RGP1: variants seen among roughly 807,000 people sequenced by gnomAD.
The protein encoded by RGP1 is RAB6A-GEF complex partner protein 2.
In RGP1, 28 loss-of-function variants were observed where a neutral mutation model predicts 44.5. That is an observed-to-expected ratio of 0.63 (90% CI 0.47 to 0.86). The LOEUF (loss-of-function observed/expected upper bound fraction) is 0.86. Ranked by LOEUF, RGP1 falls within the 40% of genes least tolerant of loss-of-function variation. The pLI is 0.00. For synonymous variants in RGP1, 212 were observed against 196.7 expected (o/e 1.08, Z -0.65); for missense variants, 417 against 490.7 (o/e 0.85, Z 1.42).
At chr9:35,786,068 T>C in the RGP1 span, among the ~76,000 whole-genome samples, 1 of 152,230 alleles carries the variant, frequency 6.6e-6, no homozygotes, top group Non-Finnish European at 1.5e-5. Context: ...TTGTTTCAGA[T>C]TTCTCCTCTT....
the RGP1 span, chr9:35,772,293 A>AAG: frequency 6.6e-6 from 1 of 152,246 alleles, no homozygotes; most frequent in Admixed American, 6.5e-5. Context: ...TCAGAGGAAG[A>AAG]AGAGGATCTT....
At chr9:35,779,195 TG>T in the RGP1 span, among the ~76,000 whole-genome samples, 4 of 152,170 alleles carry the variant, frequency 2.6e-5, no homozygotes, top group East Asian at 7.8e-4. Flanking sequence ...GTAGCAGAAG[TG>T]GCCCTGCAAC....
At chr9:35,775,790 G>T in the RGP1 span, among the ~76,000 whole-genome samples, 7 of 152,092 alleles carry the variant, frequency 4.6e-5, no homozygotes, top group Middle Eastern at 3.2e-3. Context: ...AAAAATTTTT[G>T]CTTTACTCTT....
At position 35,751,262 on chromosome 9, in the gene RGP1, C is replaced by T. The variant is rs768714296; in HGVS notation, c.488-4C>T. 2.5e-6 allele frequency: 4 copies of T among 1,613,922 alleles called. No homozygotes were observed. The highest frequency in any genetic ancestry group is 1.3e-5 in the African/African-American group (1 of 75,056). On this transcript the variant is annotated splice_polypyrimidine_tract_variant and splice_region_variant and intron_variant, in intron 5 of 8. Coordinates refer to ENST00000378078, the MANE Select transcript of RGP1 (RefSeq NM_001080496.3). Reference sequence around the variant, plus strand: ...CATTACCTCTCCACTCATTCTTTCTCTAGGCCTTCAGGATGTCCGGTTTCC... The same window carrying T: ...CATTACCTCTCCACTCATTCTTTCTTTAGGCCTTCAGGATGTCCGGTTTCC...
At chr9:35,759,917 C>CTTTTTTTTTTTT (rs34848500), downstream of RGP1, among the ~76,000 whole-genome samples, 1 of 132,986 alleles carries the variant, frequency 7.5e-6, no homozygotes, top group African/African-American at 2.8e-5. Flanking sequence ...TTCATTTTTC[C>CTTTTTTTTTTTT]TTTTTTTTTT....
chr9:35,762,607 C>G (rs1001030442), downstream of RGP1, among the ~76,000 whole-genome samples: 2 of 151,946 alleles, frequency 1.3e-5, no homozygotes, highest in Non-Finnish European at 2.9e-5. Flanking sequence ...TCAATTTTAC[C>G]CCCTCAAGTA....
chr9:35,789,901 A>G, the RGP1 span, among the ~76,000 whole-genome samples: 1 of 152,156 alleles, frequency 6.6e-6, no homozygotes, highest in Admixed American at 6.5e-5. Context: ...GGACACTGCG[A>G]CCTTCCTCTC....
At chr9:35,752,627 T>C in intron 8 of RGP1, 24 bp from the exon 9 acceptor site, 1 of 1,566,440 alleles carries the variant, frequency 6.4e-7, no homozygotes, top group Non-Finnish European at 8.7e-7. Context: ...CTGATGCTTC[T>C]ACCTTAATCT....
In RGP1 at chr9:35,754,208, GT is replaced by G; in HGVS notation, c.*1336del. 6.6e-7 allele frequency: 1 copy of G among 1,522,514 alleles called. No homozygotes were observed. Among genetic ancestry groups the G allele is most frequent in the East Asian group, 2.3e-5 (1 of 43,438 alleles). The allele number at this position is 1,522,514 out of a possible 1,614,324, so 94.3% of individuals were successfully genotyped here. On this transcript the variant is annotated 3_prime_UTR_variant, in exon 9 of 9. Coordinates refer to ENST00000378078, the MANE Select transcript of RGP1 (RefSeq NM_001080496.3). The stretch of plus-strand genomic sequence containing the variant: ...TCTTGACTCCTTGACTTTGCTTTGC[GT>G]TGCTCCTTGAGTCTTAGTTTCTGTC...
chr9:35,750,560 G>A (rs1827232908), intron 3 of RGP1, 98 bp from the exon 4 acceptor site: 10 of 1,389,618 alleles, frequency 7.2e-6, no homozygotes, highest in African/African-American at 4.3e-5. Flanking sequence ...CAGCAGGGAC[G>A]GAGGGCCTGG....
rs1827366636 is a variant in RGP1 at position 35,757,025 on chromosome 9, T to TGGCTGGCGCGCAGGTCCCGGAGGGGGC, written c.*4164_*4190dup. The TGGCTGGCGCGCAGGTCCCGGAGGGGGC allele has an allele frequency of 6.6e-6, 1 of 151,916 alleles. No homozygotes were observed. Among genetic ancestry groups the TGGCTGGCGCGCAGGTCCCGGAGGGGGC allele is most frequent in the Admixed American group, 6.6e-5 (1 of 15,266 alleles). The allele number at this position is 151,916 out of a possible 1,614,324, so 9.4% of individuals were successfully genotyped here. A position where few individuals can be genotyped will look rare whatever the true frequency, so the allele number is the denominator to read the frequency against. On this transcript the variant is annotated 3_prime_UTR_variant, in exon 9 of 9. Coordinates refer to ENST00000378078, the MANE Select transcript of RGP1 (RefSeq NM_001080496.3). Reference sequence around the variant, plus strand: ...GGCCCGCTGGGTCCTGGGGGCGCGGTGGCTGGCGCGCAGGTCCCGGAGGGG... The same window carrying TGGCTGGCGCGCAGGTCCCGGAGGGGGC: ...GGCCCGCTGGGTCCTGGGGGCGCGGTGGCTGGCGCGCAGGTCCCGGAGGGGGCGGCTGGCGCGCAGGTCCCGGAGGGG...
the RGP1 span, among the ~76,000 whole-genome samples, chr9:35,777,704 TA>T: frequency 6.6e-6 from 1 of 152,316 alleles, no homozygotes; most frequent in African/African-American, 2.4e-5. Context: ...TGTAATACTT[TA>T]TCTTTTGGTT....
chr9:35,750,777 A>G, intron 4 of RGP1, 36 bp downstream of exon 4: 1 of 1,613,908 alleles, frequency 6.2e-7, no homozygotes, highest in African/African-American at 1.3e-5. Flanking sequence ...TTGCCTTCTA[A>G]GTCTCCTGGA....
At chr9:35,785,982 CCCACCAATCTTACATCG>C in the RGP1 span, among the ~76,000 whole-genome samples, 1 of 152,122 alleles carries the variant, frequency 6.6e-6, no homozygotes, top group Non-Finnish European at 1.5e-5. Context: ...AGTCTGTCTG[CCCACCAATCTTACATCG>C]CCACTGCTTA....
the RGP1 span, among the ~76,000 whole-genome samples, chr9:35,781,731 T>C: frequency 1.3e-5 from 2 of 152,028 alleles, no homozygotes; most frequent in African/African-American, 4.8e-5. Context: ...TAGGGTGTTA[T>C]ATATAAATAT....
downstream of RGP1, among the ~76,000 whole-genome samples, chr9:35,760,181 G>A (rs1202691271): frequency 2.0e-5 from 3 of 151,910 alleles, no homozygotes; most frequent in Non-Finnish European, 4.4e-5. Context: ...AGTTTTTCAG[G>A]GGATCTCGCA....
chr9:35,763,829 T>A, the RGP1 span, among the ~76,000 whole-genome samples: 1 of 128,248 alleles, frequency 7.8e-6, no homozygotes, highest in Admixed American at 1.0e-4. Context: ...TTGCAGTGAG[T>A]CAAGATCTTG....
At chr9:35,786,514 G>C in the RGP1 span, 1 of 152,172 alleles carries the variant, frequency 6.6e-6, no homozygotes, top group Non-Finnish European at 1.5e-5. Flanking sequence ...GGCCTTCCTG[G>C]GCACTCACAG....
At chr9:35,786,167 G>A in the RGP1 span, among the ~76,000 whole-genome samples, 1 of 152,242 alleles carries the variant, frequency 6.6e-6, no homozygotes, top group African/African-American at 2.4e-5. Context: ...TAGAAGCAGT[G>A]ATAACCATGT....
Sources: gnomAD v4.1 joint callset for allele counts (sites outside exome capture counted in the v4.1 genomes callset) on GRCh38, gnomAD v4.1.1 for gene constraint, MANE v1.5 for transcripts, NCBI Gene and HGNC (gene_info 2026-07-23, HGNC 2026-07-21) for gene names.